ZRANB3: variants seen among roughly 807,000 people sequenced by gnomAD.
The protein encoded by ZRANB3 is DNA annealing helicase and endonuclease ZRANB3.
In ZRANB3, 125 loss-of-function variants were observed where a neutral mutation model predicts 133.8. The ratio of observed to expected loss-of-function variants is 0.93; its 90% CI spans 0.81 to 1.08. The LOEUF (loss-of-function observed/expected upper bound fraction) is 1.08. ZRANB3 is among the 50% of genes least tolerant of loss of function. The pLI is 0.00. For missense variants in ZRANB3, 1,229 were observed against 1,275.5 expected (o/e 0.96, Z 0.56); for synonymous variants, 387 against 432.7 (o/e 0.89, Z 1.31).
intron 2 of ZRANB3, among the ~76,000 whole-genome samples, chr2:135,431,735 C>T: frequency 6.6e-6 from 1 of 152,056 alleles, no homozygotes; most frequent in Non-Finnish European, 1.5e-5. Context: ...CCGAAAACTG[C>T]AAATTAAAAC....
In ZRANB3 at chr2:135,239,753, C is replaced by T. The variant is rs553471999; in HGVS notation, c.1540-8826G>A. 1.1e-4 allele frequency among the ~76,000 whole-genome samples: 17 copies of T among 151,474 alleles called. No homozygotes were observed. In the East Asian group the frequency reaches 3.0e-3, roughly 26 times the overall value. ...CTTGTAATCCCAGCACTTTGGGAAGCTGAGGCGGGTGGATCACGAGGTCAG... is the reference window on the plus strand; with the variant it reads ...CTTGTAATCCCAGCACTTTGGGAAGTTGAGGCGGGTGGATCACGAGGTCAG... On this transcript the variant is annotated intron_variant, in intron 12 of 20. Transcript: ENST00000264159.
At position 135,504,503 on chromosome 2, in the gene ZRANB3, A is replaced by G. The variant is rs1418605239; in HGVS notation, c.-7-7T>C. The G allele has an allele frequency of 4.4e-6, 7 of 1,599,692 alleles. No individual in the cohort carries two copies. Among genetic ancestry groups the G allele is most frequent in the African/African-American group, 1.3e-5 (1 of 74,204 alleles). ...AACCCTAGGCATGATGATCCTAAAA[A>G]CAAAGAAACAACAAAAAAGGGAGGG... On this transcript the variant is annotated splice_region_variant and splice_polypyrimidine_tract_variant and intron_variant, in intron 1 of 20. Transcript: ENST00000264159.
At chr2:135,325,350 T>G (rs914999525) in intron 6 of ZRANB3, among the ~76,000 whole-genome samples, 1 of 152,110 alleles carries the variant, frequency 6.6e-6, no homozygotes, top group Non-Finnish European at 1.5e-5. Context: ...TTAAGCAAAC[T>G]GAACCAGTGA....
chr2:135,209,485 A>G (rs942174372), intron 17 of ZRANB3, among the ~76,000 whole-genome samples: 8 of 152,212 alleles, frequency 5.3e-5, no homozygotes, highest in Admixed American at 5.2e-4. Context: ...CATCTTCTGT[A>G]ATCTCAAGGT....
At chr2:135,486,169 T>C (rs1458241536) in intron 2 of ZRANB3, among the ~76,000 whole-genome samples, 1 of 152,198 alleles carries the variant, frequency 6.6e-6, no homozygotes, top group Non-Finnish European at 1.5e-5. Flanking sequence ...ACTCTTTCTT[T>C]CATGAAAGAT....
intron 12 of ZRANB3, among the ~76,000 whole-genome samples, chr2:135,233,706 G>A (rs914474665): frequency 6.6e-6 from 1 of 152,142 alleles, no homozygotes; most frequent in Non-Finnish European, 1.5e-5. Context: ...CTTCATAAGT[G>A]AAGGAGAAAT....
intron 3 of ZRANB3, among the ~76,000 whole-genome samples, chr2:135,390,041 C>T (rs1008997410): frequency 6.6e-6 from 1 of 151,560 alleles, no homozygotes; most frequent in East Asian, 2.0e-4. Flanking sequence ...CCACCACGCC[C>T]GGCTAAATTT....
chr2:135,330,372 T>C (rs1458234047), intron 6 of ZRANB3, among the ~76,000 whole-genome samples: 1 of 152,230 alleles, frequency 6.6e-6, no homozygotes, highest in Non-Finnish European at 1.5e-5. Context: ...ATTTGCGTTA[T>C]GTTGAACCAG....
chr2:135,388,668 G>C (rs1687090765), intron 3 of ZRANB3, among the ~76,000 whole-genome samples: 1 of 152,146 alleles, frequency 6.6e-6, no homozygotes, highest in East Asian at 1.9e-4. Flanking sequence ...TGAGGTTTTG[G>C]AGAATGAGTT....
chr2:135,292,043 C>G (rs1408410094), intron 8 of ZRANB3, among the ~76,000 whole-genome samples: 1 of 152,122 alleles, frequency 6.6e-6, no homozygotes, highest in Non-Finnish European at 1.5e-5. Context: ...GTGAATAGTG[C>G]CGAAATAAAT....
chr2:135,522,193 G>A (rs536428543), intron 1 of ZRANB3, among the ~76,000 whole-genome samples: 24 of 152,252 alleles, frequency 1.6e-4, no homozygotes, highest in African/African-American at 5.3e-4. Context: ...CACAGAAACC[G>A]CCACTGCTAT....
At chr2:135,273,737 A>G (rs1354482505) in intron 9 of ZRANB3, among the ~76,000 whole-genome samples, 2 of 152,074 alleles carry the variant, frequency 1.3e-5, no homozygotes, top group Non-Finnish European at 2.9e-5. Context: ...GAGTTTCTCC[A>G]TGTTGGTCAG....
chr2:135,252,028 C>T (rs1029426263), intron 12 of ZRANB3, among the ~76,000 whole-genome samples: 3 of 152,038 alleles, frequency 2.0e-5, no homozygotes, highest in Admixed American at 1.3e-4. Context: ...AGCAGGATTC[C>T]GTCTCAAAAA....
At chr2:135,486,468 T>A (rs539170537) in intron 2 of ZRANB3, among the ~76,000 whole-genome samples, 2 of 152,188 alleles carry the variant, frequency 1.3e-5, no homozygotes, top group Admixed American at 1.3e-4. Context: ...CTTCTAATTC[T>A]CTTGCTATTT....
chr2:135,394,496 C>A (rs1386676724), intron 2 of ZRANB3, among the ~76,000 whole-genome samples: 1 of 151,888 alleles, frequency 6.6e-6, no homozygotes, highest in Non-Finnish European at 1.5e-5. Context: ...TGAAATTAAA[C>A]TAAAGCAAAA....
intron 14 of ZRANB3, among the ~76,000 whole-genome samples, chr2:135,225,277 T>A (rs1694715599): frequency 6.6e-6 from 1 of 152,112 alleles, no homozygotes; most frequent in South Asian, 2.1e-4. Context: ...GGCTCCAGAG[T>A]CTGTGCTCTT....
rs539269933 is a variant in ZRANB3, at chr2:135,342,147, C to A, written c.677+3403G>T. Among the ~76,000 whole-genome samples the A allele has an allele frequency of 5.1e-4, 77 of 149,808 alleles. 3 individuals carry two copies. The Middle Eastern group carries it at 0.01, about 20-fold the overall frequency. Reference sequence around the variant, plus strand: ...CAGAACCTGCCAACATGTGATGTCTCCCCCGGACACCCAGCTTTAAAATTT... The same window carrying A: ...CAGAACCTGCCAACATGTGATGTCTACCCCGGACACCCAGCTTTAAAATTT... On this transcript the variant is annotated intron_variant, in intron 6 of 20. Coordinates refer to ENST00000264159, the MANE Select transcript of ZRANB3 (RefSeq NM_032143.4).
At chr2:135,428,006 A>G (rs1689167344) in intron 2 of ZRANB3, among the ~76,000 whole-genome samples, 1 of 152,248 alleles carries the variant, frequency 6.6e-6, no homozygotes, top group Non-Finnish European at 1.5e-5. Context: ...CCATATGTAG[A>G]AGATTGAAAC....
At chr2:135,499,558 T>C (rs765781859) in intron 2 of ZRANB3, among the ~76,000 whole-genome samples, 2 of 151,964 alleles carry the variant, frequency 1.3e-5, no homozygotes, top group East Asian at 3.9e-4. Flanking sequence ...TGAACAGGCA[T>C]TTAAAAAAAG....
Sources: gnomAD v4.1 joint callset for allele counts (sites outside exome capture counted in the v4.1 genomes callset) on GRCh38, gnomAD v4.1.1 for gene constraint, MANE v1.5 for transcripts, NCBI Gene and HGNC (gene_info 2026-07-23, HGNC 2026-07-21) for gene names.